The following DDX46 variants were observed in gnomAD, a reference collection of about 807,000 sequenced individuals.
DDX46 encodes probable ATP-dependent RNA helicase DDX46.
DDX46 carries 30 observed loss-of-function variants against 134.9 expected under a neutral mutation model. The ratio of observed to expected loss-of-function variants is 0.22; its 90% CI spans 0.17 to 0.30. The LOEUF (loss-of-function observed/expected upper bound fraction) is 0.30, where lower values mean the gene tolerates loss of function less well. DDX46 is among the 10% of genes least tolerant of loss of function. The probability of loss-of-function intolerance (pLI) is 1.00; values close to 1 mark genes in which losing one functional copy is unlikely to be tolerated. For synonymous variants in DDX46, 415 were observed against 404.1 expected (o/e 1.03, Z -0.32); for missense variants, 622 against 1,248.7 (o/e 0.50, Z 7.56).
chr5:134,811,936 C>A, intron 18 of DDX46, 91 bp downstream of exon 18: 1 of 1,454,998 alleles, frequency 6.9e-7, no homozygotes, highest in South Asian at 1.4e-5. Context: ...GATAGACAAT[C>A]ACTGGAAACC....
intron 3 of DDX46, among the ~76,000 whole-genome samples, chr5:134,769,278 T>A (rs548915598): frequency 6.6e-6 from 1 of 151,776 alleles, no homozygotes; most frequent in Non-Finnish European, 1.5e-5. Context: ...TATTTAGTAA[T>A]GCTTCCCATT....
At chr5:134,826,819 G>A in intron 21 of DDX46, 128 bp from the exon 22 acceptor site, 2 of 737,894 alleles carry the variant, frequency 2.7e-6, no homozygotes, top group South Asian at 2.4e-5. Context: ...GCATTAAATG[G>A]CTATCTTGGC....
chr5:134,818,492 G>A (rs1326355786), intron 20 of DDX46, among the ~76,000 whole-genome samples: 1 of 150,632 alleles, frequency 6.6e-6, no homozygotes, highest in African/African-American at 2.4e-5. Context: ...ACCTGAGGTC[G>A]GGAGGTCGAG....
At chr5:134,797,196 A>AAC (rs759066989) in intron 15 of DDX46, 3 of 281,798 alleles carry the variant, frequency 1.1e-5, no homozygotes, top group African/African-American at 2.3e-5. Flanking sequence ...AAAAAAAAAA[A>AAC]ACACAAAACA....
chr5:134,818,723 A>G (rs938925951), intron 20 of DDX46, 137 bp from the exon 21 acceptor site: 6 of 478,366 alleles, frequency 1.3e-5, no homozygotes, highest in Non-Finnish European at 2.0e-5. Flanking sequence ...AAAAAAAAGA[A>G]TATATATATA....
chr5:134,811,396 T>G, intron 17 of DDX46, 38 bp downstream of exon 17: 1 of 1,598,386 alleles, frequency 6.3e-7, no homozygotes, highest in Non-Finnish European at 8.5e-7. Context: ...TAGAAATCAT[T>G]AATGTGACTA....
In DDX46 at chr5:134,773,866, A is replaced by G. The variant is rs1374489595; in HGVS notation, c.613+5A>G. 4.4e-6 allele frequency: 7 copies of G among 1,594,920 alleles called. No homozygotes were observed. The highest frequency in any genetic ancestry group is 1.4e-5 in the African/African-American group (1 of 73,614). The stretch of plus-strand genomic sequence containing the variant: ...GGAGTTTAGAGGACGATGATGGTAT[A>G]TTTTTTAGCCTAATAGCCTGTATAA... On this transcript the variant is annotated splice_donor_5th_base_variant and intron_variant, in intron 5 of 22. Transcript: ENST00000452510.
intron 18 of DDX46, among the ~76,000 whole-genome samples, chr5:134,815,256 A>T (rs971178913): frequency 8.5e-5 from 13 of 152,218 alleles, no homozygotes; most frequent in African/African-American, 3.1e-4. Flanking sequence ...TTTGTAAATT[A>T]ACCAATTAAT....
chr5:134,759,715 C>G (rs567422088), intron 1 of DDX46, among the ~76,000 whole-genome samples: 1 of 152,266 alleles, frequency 6.6e-6, no homozygotes, highest in African/African-American at 2.4e-5. Flanking sequence ...TTAGTGCTAA[C>G]AGTTCTTTGT....
intron 15 of DDX46, among the ~76,000 whole-genome samples, chr5:134,799,797 C>T (rs1414484045): frequency 6.6e-6 from 1 of 151,310 alleles, no homozygotes; most frequent in Non-Finnish European, 1.5e-5. Flanking sequence ...GTAGTCCCAG[C>T]TACTCAGGAG....
At position 134,795,980 on chromosome 5, in the gene DDX46, G is replaced by A; in HGVS notation, c.1792-8G>A. The A allele has an allele frequency of 6.2e-7, 1 of 1,611,794 alleles. No homozygotes were observed. Among genetic ancestry groups the A allele is most frequent in the Non-Finnish European group, 8.5e-7 (1 of 1,179,132 alleles). Reference sequence around the variant, plus strand: ...CTTCATTAACTTGATACAATATGGTGTTTTCAGATTGTGATTGAAGAAGAA... The same window carrying A: ...CTTCATTAACTTGATACAATATGGTATTTTCAGATTGTGATTGAAGAAGAA... On this transcript the variant is annotated splice_region_variant and splice_polypyrimidine_tract_variant and intron_variant, in intron 14 of 22. Coordinates refer to ENST00000452510, the MANE Select transcript of DDX46 (RefSeq NM_001300860.2).
chr5:134,815,147 G>T (rs1456896934), intron 18 of DDX46, among the ~76,000 whole-genome samples: 1 of 152,184 alleles, frequency 6.6e-6, no homozygotes, highest in East Asian at 1.9e-4. Context: ...TACTTGGGAG[G>T]CCGAGATATG....
chr5:134,786,674 G>A (rs568367625), intron 11 of DDX46, among the ~76,000 whole-genome samples: 3 of 152,066 alleles, frequency 2.0e-5, no homozygotes, highest in Admixed American at 6.6e-5. Flanking sequence ...GAGACTCCCC[G>A]TCTCTACTGA....
chr5:134,814,098 A>G, intron 18 of DDX46, among the ~76,000 whole-genome samples: 1 of 152,208 alleles, frequency 6.6e-6, no homozygotes, highest in East Asian at 1.9e-4. Context: ...AAACTATTAC[A>G]GTATTTTGAG....
intron 12 of DDX46, 116 bp from the exon 13 acceptor site, chr5:134,790,354 G>T: frequency 1.2e-6 from 1 of 853,234 alleles, no homozygotes; most frequent in Non-Finnish European, 1.8e-6. Context: ...TTACCCCTCT[G>T]GTTAAGTCAG....
chr5:134,806,184 C>T (rs1442705111), intron 15 of DDX46, among the ~76,000 whole-genome samples: 4 of 151,390 alleles, frequency 2.6e-5, no homozygotes, highest in Non-Finnish European at 2.9e-5. Flanking sequence ...TTGCACAAGC[C>T]TGGGCAACAT....
chr5:134,778,404 T>A (rs938397370), intron 6 of DDX46, among the ~76,000 whole-genome samples: 6 of 152,074 alleles, frequency 3.9e-5, no homozygotes, highest in African/African-American at 1.4e-4. Context: ...AATTATATAA[T>A]TTTTTTGTGT....
chr5:134,774,768 T>G (rs1239172774), intron 5 of DDX46, among the ~76,000 whole-genome samples: 1 of 152,136 alleles, frequency 6.6e-6, no homozygotes, highest in African/African-American at 2.4e-5. Flanking sequence ...ACAGTCATAG[T>G]TCACTGCAGC....
intron 20 of DDX46, 41 bp downstream of exon 20, chr5:134,817,755 A>G: frequency 1.3e-6 from 2 of 1,544,096 alleles, no homozygotes; most frequent in Non-Finnish European, 1.8e-6. Flanking sequence ...GTGAAGTAGC[A>G]ACTCTTCTTT....
Sources: gnomAD v4.1 joint callset for allele counts (sites outside exome capture counted in the v4.1 genomes callset) on GRCh38, gnomAD v4.1.1 for gene constraint, MANE v1.5 for transcripts, NCBI Gene and HGNC (gene_info 2026-07-23, HGNC 2026-07-21) for gene names.